The following KLHL1 variants were observed in gnomAD, a reference collection of about 807,000 sequenced individuals.
The protein encoded by KLHL1 is kelch-like protein 1.
A neutral mutation model predicts 77.7 loss-of-function variants in KLHL1; 47 were observed. The observed-to-expected ratio is 0.60, with a 90% confidence interval of 0.48 to 0.77. The LOEUF (loss-of-function observed/expected upper bound fraction) is 0.77, where lower values mean the gene tolerates loss of function less well. KLHL1 is among the 30% of genes least tolerant of loss of function. The probability of loss-of-function intolerance (pLI) is 0.00; values close to 1 mark genes in which losing one functional copy is unlikely to be tolerated. For synonymous variants in KLHL1, 360 were observed against 325.2 expected (o/e 1.11, Z -1.15); for missense variants, 925 against 910.8 (o/e 1.02, Z -0.20).
chr13:69,872,649 A>G (rs1880627104), intron 5 of KLHL1, among the ~76,000 whole-genome samples: 4 of 152,062 alleles, frequency 2.6e-5, no homozygotes, highest in Admixed American at 2.6e-4. Flanking sequence ...TTTTGAGAAT[A>G]CTCCCAGTGG....
rs117655975 is a variant in KLHL1 at position 69,997,419 on chromosome 13, C to T, written c.498-21617G>A. On this transcript the variant is annotated intron_variant, in intron 1 of 10. Transcript: ENST00000377844. ...CAGAAGATGTCTACAAGATGTTCATCTTGCATAACTAAATACTTATGTCCA... is the reference window on the plus strand; with the variant it reads ...CAGAAGATGTCTACAAGATGTTCATTTTGCATAACTAAATACTTATGTCCA... Among the ~76,000 whole-genome samples the T allele has an allele frequency of 8.0e-4, 121 of 151,494 alleles. 2 individuals are homozygous for T. In the East Asian group the frequency reaches 0.023, roughly 29 times the overall value.
chr13:70,033,371 G>A (rs932008545), intron 1 of KLHL1, among the ~76,000 whole-genome samples: 1 of 151,850 alleles, frequency 6.6e-6, no homozygotes, highest in Admixed American at 6.6e-5. Flanking sequence ...CTCACTGTAA[G>A]CTCCGCCTCC....
chr13:69,879,243 A>ATATAT (rs2138190770), intron 5 of KLHL1, among the ~76,000 whole-genome samples: 1 of 152,278 alleles, frequency 6.6e-6, no homozygotes, highest in South Asian at 2.1e-4. Context: ...TGATTACTTC[A>ATATAT]GTAGTATATA....
intron 7 of KLHL1, among the ~76,000 whole-genome samples, chr13:69,773,353 T>G (rs1051490719): frequency 6.6e-6 from 1 of 152,062 alleles, no homozygotes; most frequent in African/African-American, 2.4e-5. Context: ...TGATCAAGCA[T>G]CAGTACTCTG....
intron 1 of KLHL1, among the ~76,000 whole-genome samples, chr13:70,025,307 T>C (rs978026): frequency 0.83 from 126,058 of 152,006 alleles, 53,114 homozygotes; most frequent in East Asian, 0.92. Context: ...ACATAGGCTG[T>C]AATTCTCAGT....
At chr13:69,840,829 C>T (rs192840522) in intron 5 of KLHL1, among the ~76,000 whole-genome samples, 32 of 151,112 alleles carry the variant, frequency 2.1e-4, no homozygotes, top group African/African-American at 7.3e-4. Flanking sequence ...CTAACAAGGG[C>T]CCAGTGGTGT....
intron 7 of KLHL1, among the ~76,000 whole-genome samples, chr13:69,775,540 G>T (rs995256742): frequency 6.6e-6 from 1 of 152,054 alleles, no homozygotes; most frequent in Non-Finnish European, 1.5e-5. Context: ...TTCTATTAGG[G>T]CTTACATTCT....
chr13:69,788,958 C>T (rs1876712835), intron 7 of KLHL1, among the ~76,000 whole-genome samples: 1 of 150,128 alleles, frequency 6.7e-6, no homozygotes, highest in Admixed American at 6.6e-5. Context: ...ACACTGTTTT[C>T]CTCTTTTCCC....
At chr13:69,939,375 A>G (rs1883290682) in intron 4 of KLHL1, among the ~76,000 whole-genome samples, 1 of 114,286 alleles carries the variant, frequency 8.7e-6, no homozygotes, top group Non-Finnish European at 1.8e-5. Flanking sequence ...ATATATATAT[A>G]TATACACACA....
intron 7 of KLHL1, among the ~76,000 whole-genome samples, chr13:69,761,448 C>T (rs1311070393): frequency 6.6e-6 from 1 of 152,130 alleles, no homozygotes; most frequent in Non-Finnish European, 1.5e-5. Context: ...TTAGGCTAAA[C>T]TTGATGTAAG....
At chr13:69,759,313 T>G (rs12584317) in intron 7 of KLHL1, among the ~76,000 whole-genome samples, 37,737 of 152,024 alleles carry the variant, frequency 0.25, 4,703 homozygotes, top group South Asian at 0.31. Flanking sequence ...CAGCATTAGC[T>G]CATGAACAAA....
At chr13:69,715,693 G>A (rs931235963) in intron 9 of KLHL1, among the ~76,000 whole-genome samples, 2 of 151,894 alleles carry the variant, frequency 1.3e-5, no homozygotes, top group Non-Finnish European at 2.9e-5. Flanking sequence ...CTCACCAATA[G>A]CAAACATTAT....
At chr13:70,009,958 A>T (rs1885492347) in intron 1 of KLHL1, among the ~76,000 whole-genome samples, 1 of 152,036 alleles carries the variant, frequency 6.6e-6, no homozygotes, top group Admixed American at 6.6e-5. Context: ...ATAAAGTCAC[A>T]TTTTAAGAGT....
intron 9 of KLHL1, among the ~76,000 whole-genome samples, chr13:69,711,936 A>T (rs9599499): frequency 0.34 from 52,219 of 151,884 alleles, 9,151 homozygotes; most frequent in Non-Finnish European, 0.37. Context: ...TGGTATAATA[A>T]TGTAATTTTA....
intron 5 of KLHL1, among the ~76,000 whole-genome samples, chr13:69,868,359 G>A (rs1236130908): frequency 6.6e-6 from 1 of 151,794 alleles, no homozygotes; most frequent in South Asian, 2.1e-4. Context: ...AATCATTAAT[G>A]GTGCAATAAA....
At chr13:69,753,423 T>C (rs1362961509) in intron 7 of KLHL1, among the ~76,000 whole-genome samples, 1 of 152,118 alleles carries the variant, frequency 6.6e-6, no homozygotes, top group Non-Finnish European at 1.5e-5. Context: ...TTTAGGACCA[T>C]TGCAGGGAAT....
chr13:70,096,153 C>G (rs917027598), intron 1 of KLHL1, among the ~76,000 whole-genome samples: 1 of 152,064 alleles, frequency 6.6e-6, no homozygotes, highest in Non-Finnish European at 1.5e-5. Context: ...GCAATAAACA[C>G]AGGAGAGCAG....
intron 1 of KLHL1, among the ~76,000 whole-genome samples, chr13:70,085,995 T>C (rs879889835): frequency 6.6e-6 from 1 of 152,194 alleles, no homozygotes; most frequent in Non-Finnish European, 1.5e-5. Context: ...GTTACGTATG[T>C]TTTAAATTAT....
chr13:69,881,314 T>G (rs190316770), intron 5 of KLHL1, among the ~76,000 whole-genome samples: 1 of 152,170 alleles, frequency 6.6e-6, no homozygotes. Flanking sequence ...TGTTAATACT[T>G]CATACTTGCC....
Sources: gnomAD v4.1 joint callset for allele counts (sites outside exome capture counted in the v4.1 genomes callset) on GRCh38, gnomAD v4.1.1 for gene constraint, MANE v1.5 for transcripts, NCBI Gene and HGNC (gene_info 2026-07-23, HGNC 2026-07-21) for gene names.